Variants in FMN2 observed in about 807,000 individuals in gnomAD.
FMN2 encodes formin 2.
In FMN2, 51 loss-of-function variants were observed where a neutral mutation model predicts 142.3. The observed-to-expected ratio is 0.36, with a 90% CI of 0.29 to 0.45. The LOEUF is 0.45. FMN2 is among the 20% of genes least tolerant of loss of function. FMN2 has a pLI of 1.00. For synonymous variants in FMN2, 882 were observed against 869.8 expected (o/e 1.01, Z -0.25); for missense variants, 1,936 against 2,122.8 (o/e 0.91, Z 1.73).
chr1:240,400,741 G>GT (rs1472163634), intron 15 of FMN2: 1 of 152,166 alleles, frequency 6.6e-6, no homozygotes, highest in Non-Finnish European at 1.5e-5. Flanking sequence ...CAAAGCCTCA[G>GT]TTTTTTATGG....
intron 6 of FMN2, among the ~76,000 whole-genome samples, chr1:240,239,259 G>A (rs1667812503): frequency 6.6e-6 from 1 of 152,174 alleles, no homozygotes; most frequent in East Asian, 1.9e-4. Context: ...TTTGGCTATT[G>A]TTGGACGAGG....
rs140977075 is a variant in FMN2, at chr1:240,446,127, A to T, written c.5060+7917A>T. Among the ~76,000 whole-genome samples, 41 of 152,350 alleles carry T rather than the reference A, an allele frequency of 2.7e-4. No individual in the cohort carries two copies. In the East Asian group the frequency reaches 6.2e-3, roughly 23 times the overall value. ...AAGATATGAAAACCAGGATATTAAG[A>T]TATTTACTTTGTAAAATTTAGTTCT... On this transcript the variant is annotated intron_variant, in intron 16 of 17. Transcript: ENST00000319653.
In FMN2 at chr1:240,114,079, A is replaced by G. The variant is rs141272717; in HGVS notation, c.1616-9100A>G. ...CATTACTCAGCTTCAGTAATCATCA[A>G]TATTTTCAATGCCATAATAGTTTTA... is the stretch of plus-strand genomic sequence containing the variant. On this transcript the variant is annotated intron_variant, in intron 1 of 17. Transcript: ENST00000319653. Among the ~76,000 whole-genome samples, 39 of 152,348 alleles carry G rather than the reference A, an allele frequency of 2.6e-4. 1 individual carries two copies. The East Asian group carries it at 6.4e-3, about 25-fold the overall frequency.
intron 7 of FMN2, among the ~76,000 whole-genome samples, chr1:240,264,127 A>G (rs1668718758): frequency 6.6e-6 from 1 of 152,156 alleles, no homozygotes; most frequent in Non-Finnish European, 1.5e-5. Context: ...GGTACCTTAC[A>G]AGGACAATGC....
intron 8 of FMN2, among the ~76,000 whole-genome samples, chr1:240,307,077 CT>C (rs1278026605): frequency 2.6e-5 from 4 of 152,264 alleles, no homozygotes; most frequent in African/African-American, 9.6e-5. Context: ...TCCTTTGCCA[CT>C]TTTTAATGAG....
chr1:240,392,054 T>C (rs1178308735), intron 14 of FMN2, among the ~76,000 whole-genome samples: 6 of 152,006 alleles, frequency 3.9e-5, no homozygotes, highest in Admixed American at 1.3e-4. Context: ...ATATGAACTA[T>C]TGAAATGAGT....
At chr1:240,185,925 G>C (rs1033630843) in intron 3 of FMN2, among the ~76,000 whole-genome samples, 1 of 152,174 alleles carries the variant, frequency 6.6e-6, no homozygotes, top group Non-Finnish European at 1.5e-5. Context: ...TAGCTTTGCT[G>C]TTAAAGATCT....
chr1:240,324,058 A>G (rs1671068380), intron 8 of FMN2, among the ~76,000 whole-genome samples: 1 of 152,160 alleles, frequency 6.6e-6, no homozygotes, highest in Non-Finnish European at 1.5e-5. Context: ...GGCTGCCTGA[A>G]GGCAAGAGTT....
At chr1:240,113,389 C>T (rs1436028576) in intron 1 of FMN2, among the ~76,000 whole-genome samples, 3 of 151,808 alleles carry the variant, frequency 2.0e-5, no homozygotes, top group Non-Finnish European at 4.4e-5. Context: ...CATGGTGAAA[C>T]CCCATCTCTA....
chr1:240,282,099 A>G (rs1247859929), intron 7 of FMN2, among the ~76,000 whole-genome samples: 2 of 152,196 alleles, frequency 1.3e-5, no homozygotes, highest in African/African-American at 4.8e-5. Flanking sequence ...TGCCTGCTAT[A>G]ACAAGGACTG....
intron 6 of FMN2, among the ~76,000 whole-genome samples, chr1:240,221,849 C>CTTTT (rs34473197): frequency 8.7e-6 from 1 of 115,228 alleles, no homozygotes; most frequent in Non-Finnish European, 1.7e-5. Flanking sequence ...CTTCTAGGGA[C>CTTTT]TTTTTTTTTT....
At chr1:240,375,078 G>A (rs1672999424) in intron 14 of FMN2, among the ~76,000 whole-genome samples, 1 of 152,174 alleles carries the variant, frequency 6.6e-6, no homozygotes, top group South Asian at 2.1e-4. Context: ...AAGAGGAAAA[G>A]AGATGATAAA....
chr1:240,371,861 G>A (rs1307520840), intron 14 of FMN2, among the ~76,000 whole-genome samples: 1 of 152,186 alleles, frequency 6.6e-6, no homozygotes, highest in Non-Finnish European at 1.5e-5. Context: ...GTGTCACACA[G>A]TGGAGGGCTT....
intron 8 of FMN2, among the ~76,000 whole-genome samples, chr1:240,314,325 T>C (rs1028032559): frequency 3.9e-5 from 6 of 152,068 alleles, no homozygotes; most frequent in Admixed American, 6.5e-5. Flanking sequence ...ATTGCTTGAA[T>C]TGAAAGGAGA....
intron 4 of FMN2, among the ~76,000 whole-genome samples, chr1:240,193,905 T>C (rs1162865817): frequency 6.6e-6 from 1 of 152,210 alleles, no homozygotes; most frequent in Non-Finnish European, 1.5e-5. Context: ...TTTGAGAAAA[T>C]GTTCAGACTC....
At chr1:240,094,251 T>C (rs978378337) in intron 1 of FMN2, among the ~76,000 whole-genome samples, 1 of 152,250 alleles carries the variant, frequency 6.6e-6, no homozygotes, top group African/African-American at 2.4e-5. Context: ...ATGTAGTTTC[T>C]ATCTTGCAGC....
chr1:240,456,133 T>C (rs1168785041), intron 16 of FMN2, among the ~76,000 whole-genome samples: 1 of 152,114 alleles, frequency 6.6e-6, no homozygotes, highest in East Asian at 1.9e-4. Context: ...GTCTACACAC[T>C]TTGGGGATAA....
intron 2 of FMN2, among the ~76,000 whole-genome samples, chr1:240,158,916 T>C (rs112200651): frequency 6.2e-4 from 94 of 152,338 alleles, no homozygotes; most frequent in African/African-American, 2.2e-3. Flanking sequence ...GGTAGCTTAA[T>C]GATTACCCTT....
chr1:240,263,150 G>C (rs1034051802), intron 7 of FMN2, among the ~76,000 whole-genome samples: 9 of 152,106 alleles, frequency 5.9e-5, no homozygotes, highest in African/African-American at 1.7e-4. Flanking sequence ...CCCACACACA[G>C]ATATATATTA....
Sources: gnomAD v4.1 joint callset for allele counts (sites outside exome capture counted in the v4.1 genomes callset) on GRCh38, gnomAD v4.1.1 for gene constraint, MANE v1.5 for transcripts, NCBI Gene and HGNC (gene_info 2026-07-23, HGNC 2026-07-21) for gene names.